The following KLHL32 variants were observed in gnomAD, a reference collection of about 807,000 sequenced individuals.
The protein encoded by KLHL32 is kelch-like protein 32.
KLHL32 carries 35 observed loss-of-function variants against 64.8 expected under a neutral mutation model. That is an observed-to-expected ratio of 0.54 (90% CI 0.41 to 0.72). The LOEUF is 0.72. Among genes scored for constraint, KLHL32 ranks in the 30% least tolerant of loss-of-function variants. The probability of loss-of-function intolerance (pLI) is 0.00; values close to 1 mark genes in which losing one functional copy is unlikely to be tolerated. For missense variants in KLHL32, 589 were observed against 768.5 expected (o/e 0.77, Z 2.76); for synonymous variants, 259 against 281.0 (o/e 0.92, Z 0.78).
chr6:96,935,268 G>A (rs1301723077), intron 1 of KLHL32, among the ~76,000 whole-genome samples: 1 of 152,160 alleles, frequency 6.6e-6, no homozygotes, highest in Non-Finnish European at 1.5e-5. Context: ...CCCTGATGTT[G>A]AGTTAGGTAC....
intron 2 of KLHL32, among the ~76,000 whole-genome samples, chr6:96,975,763 A>T (rs1449476042): frequency 1.3e-5 from 2 of 152,140 alleles, no homozygotes; most frequent in African/African-American, 4.8e-5. Flanking sequence ...ACAAATGCAG[A>T]AAGAGATGCA....
intron 5 of KLHL32, among the ~76,000 whole-genome samples, chr6:97,083,443 C>T (rs886846681): frequency 6.6e-6 from 1 of 151,902 alleles, no homozygotes; most frequent in Non-Finnish European, 1.5e-5. Flanking sequence ...GTGACTGACC[C>T]GAGGCCCCAG....
At position 97,113,891 on chromosome 6, in the gene KLHL32, C is replaced by T; in HGVS notation, c.736C>T (p.Leu246=). Residue 246 remains leucine (L), a synonymous_variant, in exon 7 of 11, where the codon CTG becomes TTG. Coordinates refer to ENST00000369261, the MANE Select transcript of KLHL32 (RefSeq NM_052904.4). ...TGTGGATACTCTCCATACAGTTGCC[C>T]TGTCCCACCCCCTTGTCCAAGCAAG... ...MDVDTLHTVA[L]SHPLVQASET... is the part of the protein sequence containing the mutation. 1 of 1,614,138 alleles carries T rather than the reference C, an allele frequency of 6.2e-7. No individual in the cohort carries two copies. Among genetic ancestry groups the T allele is most frequent in the Non-Finnish European group, 8.5e-7 (1 of 1,180,030 alleles).
At chr6:97,064,379 G>T (rs748907168) in intron 4 of KLHL32, among the ~76,000 whole-genome samples, 1 of 152,176 alleles carries the variant, frequency 6.6e-6, no homozygotes, top group Non-Finnish European at 1.5e-5. Flanking sequence ...GTGGTTAAGT[G>T]CAGAGCTTCA....
At chr6:97,042,414 A>G (rs1428692098) in intron 4 of KLHL32, among the ~76,000 whole-genome samples, 2 of 152,152 alleles carry the variant, frequency 1.3e-5, no homozygotes, top group South Asian at 2.1e-4. Context: ...TCAGTACACA[A>G]TTTTACAGAT....
At chr6:97,058,277 A>G (rs1426755164) in intron 4 of KLHL32, among the ~76,000 whole-genome samples, 2 of 152,226 alleles carry the variant, frequency 1.3e-5, no homozygotes, top group Admixed American at 6.5e-5. Flanking sequence ...TACACAAAAA[A>G]TAACTGTGGG....
intron 1 of KLHL32, among the ~76,000 whole-genome samples, chr6:96,941,581 C>CA (rs1304772568): frequency 6.6e-6 from 1 of 151,820 alleles, no homozygotes; most frequent in East Asian, 1.9e-4. Flanking sequence ...ATGTGATGAC[C>CA]AAAAAACAAT....
intron 3 of KLHL32, among the ~76,000 whole-genome samples, chr6:97,036,770 G>A (rs1249713945): frequency 6.6e-6 from 1 of 152,192 alleles, no homozygotes; most frequent in South Asian, 2.1e-4. Context: ...ATGTGAAGCC[G>A]TACCGGGTGC....
chr6:97,068,776 A>C (rs1008452551), intron 5 of KLHL32, among the ~76,000 whole-genome samples: 13 of 152,184 alleles, frequency 8.5e-5, no homozygotes, highest in Non-Finnish European at 1.6e-4. Flanking sequence ...TATATCACTC[A>C]TTAGGTTATG....
chr6:96,998,848 T>C (rs577096365), intron 3 of KLHL32, among the ~76,000 whole-genome samples: 2 of 152,390 alleles, frequency 1.3e-5, no homozygotes, highest in East Asian at 3.9e-4. Flanking sequence ...ATTTGAATTA[T>C]GCATTACATG....
rs1212312572 is a variant in KLHL32, at chr6:97,047,177, CTTAATA to C, written c.312+5585_312+5590del. 2.6e-5 allele frequency among the ~76,000 whole-genome samples: 4 copies of C among 152,200 alleles called. No homozygotes were observed. In the East Asian group the frequency reaches 5.8e-4, roughly 22 times the overall value. On this transcript the variant is annotated intron_variant, in intron 4 of 10. Coordinates refer to ENST00000369261, the MANE Select transcript of KLHL32 (RefSeq NM_052904.4). ...TTTTAAAGAAAAAGCAAATTTTCCT[CTTAATA>C]TTAATACATATTCTGAAAATGCATG...
In KLHL32 at chr6:97,095,714, G is replaced by A. The variant is rs535131574; in HGVS notation, c.627+10373G>A. On this transcript the variant is annotated intron_variant, in intron 6 of 10. Coordinates refer to ENST00000369261, the MANE Select transcript of KLHL32 (RefSeq NM_052904.4). The stretch of plus-strand genomic sequence containing the variant: ...GGAGCATGTGTCATTCATTGATAAA[G>A]CTTGTGGAAGGTGCCCGGGAGCACA... 3.9e-5 allele frequency among the ~76,000 whole-genome samples: 6 copies of A among 152,310 alleles called. No individual in the cohort carries two copies. In the East Asian group the frequency reaches 1.2e-3, roughly 29 times the overall value.
At chr6:97,072,924 T>A (rs1387893789) in intron 5 of KLHL32, among the ~76,000 whole-genome samples, 1 of 152,202 alleles carries the variant, frequency 6.6e-6, no homozygotes, top group African/African-American at 2.4e-5. Context: ...TTACTTAACC[T>A]CTTTGCCCCC....
upstream of KLHL32, among the ~76,000 whole-genome samples, chr6:96,924,242 G>A (rs1768869373): frequency 6.6e-6 from 1 of 152,166 alleles, no homozygotes; most frequent in Non-Finnish European, 1.5e-5. Flanking sequence ...CTGGAACACC[G>A]AGTTAGGGCC....
intron 6 of KLHL32, among the ~76,000 whole-genome samples, chr6:97,104,879 C>T (rs2128201511): frequency 6.6e-6 from 1 of 152,268 alleles, no homozygotes; most frequent in South Asian, 2.1e-4. Flanking sequence ...TGAACTGAAA[C>T]TTTTCATTTG....
At chr6:97,007,330 T>C (rs570602997) in intron 3 of KLHL32, among the ~76,000 whole-genome samples, 1 of 152,364 alleles carries the variant, frequency 6.6e-6, no homozygotes, top group South Asian at 2.1e-4. Flanking sequence ...AAGTGAGCTT[T>C]TCAGCTTTAC....
intron 7 of KLHL32, among the ~76,000 whole-genome samples, chr6:97,118,082 A>G (rs1465257893): frequency 6.6e-6 from 1 of 152,184 alleles, no homozygotes; most frequent in Non-Finnish European, 1.5e-5. Flanking sequence ...AATTTTTCAG[A>G]TATTTCATTA....
At chr6:97,050,526 T>G (rs1292009910) in intron 4 of KLHL32, among the ~76,000 whole-genome samples, 1 of 152,046 alleles carries the variant, frequency 6.6e-6, no homozygotes, top group Non-Finnish European at 1.5e-5. Flanking sequence ...TTTTTAAACC[T>G]TTGCTCAGAT....
chr6:97,108,976 A>G (rs1428212293), intron 6 of KLHL32, among the ~76,000 whole-genome samples: 3 of 152,230 alleles, frequency 2.0e-5, no homozygotes, highest in Non-Finnish European at 4.4e-5. Flanking sequence ...AGCTTCGTAG[A>G]GTAACTAAAT....
Sources: allele counts gnomAD v4.1 joint callset (sites outside exome capture counted in the v4.1 genomes callset), GRCh38; gene constraint gnomAD v4.1.1; transcripts MANE v1.5; gene names NCBI Gene and HGNC (gene_info 2026-07-23, HGNC 2026-07-21).